Variants in LRTM3 observed in about 807,000 individuals in gnomAD.
LRTM3 encodes the protein leucine rich repeat transmembrane protein 3.
At chr13:102,730,009 T>C in the LRTM3 span, 2 of 1,551,634 alleles carry the variant, frequency 1.3e-6, no homozygotes, top group African/African-American at 1.4e-5. Context: ...CACTGAATGA[T>C]ACACTAGATG....
the LRTM3 span, chr13:102,748,922 C>T: frequency 6.4e-7 from 1 of 1,550,480 alleles, no homozygotes. Flanking sequence ...CTCAAGAGGA[C>T]CTGCATAATT....
chr13:102,734,707 T>G, the LRTM3 span: 8 of 1,551,224 alleles, frequency 5.2e-6, no homozygotes, highest in Non-Finnish European at 7.0e-6. Flanking sequence ...AAATAGGTCT[T>G]TTAAGTCTTA....
the LRTM3 span, chr13:102,745,194 T>G: frequency 1.9e-6 from 3 of 1,550,888 alleles, no homozygotes; most frequent in Non-Finnish European, 2.6e-6. Flanking sequence ...GAACGGAACA[T>G]GAAATGTTGC....
chr13:102,739,797 G>A, the LRTM3 span: 1 of 1,549,112 alleles, frequency 6.5e-7, no homozygotes, highest in Non-Finnish European at 8.7e-7. Flanking sequence ...TTGAAGTGAG[G>A]TAAAGAAAGA....
chr13:102,753,424 C>G, the LRTM3 span, among the ~76,000 whole-genome samples: 1 of 150,990 alleles, frequency 6.6e-6, no homozygotes. Flanking sequence ...AGCAAACCAC[C>G]ATGGCACATG....
the LRTM3 span, among the ~76,000 whole-genome samples, chr13:102,751,871 A>C: frequency 6.6e-6 from 1 of 152,204 alleles, no homozygotes; most frequent in African/African-American, 2.4e-5. Flanking sequence ...AGGGGACCCC[A>C]AAGGAATCTT....
chr13:102,745,993 G>A, the LRTM3 span: 2 of 1,551,066 alleles, frequency 1.3e-6, no homozygotes, highest in Admixed American at 2.0e-5. Context: ...AGCCATCGCT[G>A]TTCTCCAGAG....
At chr13:102,732,841 T>G in the LRTM3 span, 3 of 1,551,380 alleles carry the variant, frequency 1.9e-6, no homozygotes, top group South Asian at 3.6e-5. Flanking sequence ...CCATTTCTAA[T>G]TTTTTCTGCT....
chr13:102,743,362 A>T, the LRTM3 span: 1 of 1,550,506 alleles, frequency 6.4e-7, no homozygotes, highest in Non-Finnish European at 8.7e-7. Flanking sequence ...GAGTGAAGGA[A>T]GTTGTATTTG....
At chr13:102,747,168 C>A in the LRTM3 span, 1 of 1,550,728 alleles carries the variant, frequency 6.4e-7, no homozygotes, top group Non-Finnish European at 8.7e-7. Context: ...TACTTTTCTT[C>A]CCTTTCAATT....
chr13:102,750,755 G>A, the LRTM3 span, among the ~76,000 whole-genome samples: 2 of 152,270 alleles, frequency 1.3e-5, no homozygotes, highest in South Asian at 4.1e-4. Flanking sequence ...TTATGGAAAT[G>A]TAATAGGTAC....
the LRTM3 span, chr13:102,744,067 T>G: frequency 1.3e-6 from 2 of 1,550,036 alleles, no homozygotes; most frequent in Non-Finnish European, 1.7e-6. Context: ...TCTTAGCATA[T>G]TCAGTGGCAC....
At chr13:102,754,288 G>C in the LRTM3 span, among the ~76,000 whole-genome samples, 2,897 of 143,872 alleles carry the variant, frequency 0.02, 71 homozygotes, top group African/African-American at 0.069. Flanking sequence ...AGTTTGCTTT[G>C]CTCACTGAGA....
At chr13:102,750,714 A>G in the LRTM3 span, among the ~76,000 whole-genome samples, 1 of 152,322 alleles carries the variant, frequency 6.6e-6, no homozygotes, top group Non-Finnish European at 1.5e-5. Context: ...TCTGTTCTCT[A>G]TATGAAAGTT....
chr13:102,734,475 G>A, the LRTM3 span: 1 of 1,551,280 alleles, frequency 6.4e-7, no homozygotes, highest in African/African-American at 1.4e-5. Context: ...TTTCGTCCTT[G>A]CCCTCCAATG....
At chr13:102,751,098 A>G in the LRTM3 span, among the ~76,000 whole-genome samples, 3 of 152,162 alleles carry the variant, frequency 2.0e-5, no homozygotes, top group East Asian at 3.9e-4. Context: ...GGATGAGATT[A>G]ACATTTGTAT....
chr13:102,749,816 T>C, the LRTM3 span: 1 of 1,551,408 alleles, frequency 6.4e-7, no homozygotes, highest in East Asian at 2.4e-5. Context: ...ATCCTGTGCT[T>C]GGACAGAAAT....
At chr13:102,743,253 G>A in the LRTM3 span, 1 of 1,550,520 alleles carries the variant, frequency 6.4e-7, no homozygotes, top group African/African-American at 1.4e-5. Flanking sequence ...CCTTCAGCTA[G>A]TGACTCTATT....
the LRTM3 span, chr13:102,736,979 A>G: frequency 6.4e-7 from 1 of 1,551,152 alleles, no homozygotes; most frequent in Non-Finnish European, 8.7e-7. Context: ...ACAGTGAGAT[A>G]GAGAAGGTAT....
Sources: allele counts gnomAD v4.1 joint callset (sites outside exome capture counted in the v4.1 genomes callset), GRCh38; gene constraint gnomAD v4.1.1; transcripts MANE v1.5; gene names NCBI Gene and HGNC (gene_info 2026-07-23, HGNC 2026-07-21).